Variants in CDH11 observed in about 807,000 individuals in gnomAD.
The protein encoded by CDH11 is cadherin 11.
CDH11 carries 11 observed loss-of-function variants against 67.8 expected under a neutral mutation model. The ratio of observed to expected loss-of-function variants is 0.16; its 90% CI spans 0.10 to 0.27. The LOEUF (loss-of-function observed/expected upper bound fraction) is 0.27. Ranked by LOEUF, CDH11 falls within the 10% of genes least tolerant of loss-of-function variation. The probability of loss-of-function intolerance (pLI) is 1.00; values close to 1 mark genes in which losing one functional copy is unlikely to be tolerated. For synonymous variants in CDH11, 419 were observed against 400.0 expected, an observed-to-expected ratio of 1.05 and a Z score of -0.57; for missense variants, 847 against 1,031.2, an observed-to-expected ratio of 0.82 and a Z score of 2.45.
At chr16:65,023,446 C>T (rs563386012) in intron 2 of CDH11, among the ~76,000 whole-genome samples, 6 of 152,068 alleles carry the variant, frequency 3.9e-5, no homozygotes, top group Non-Finnish European at 5.9e-5. Flanking sequence ...AGGTTCAGCC[C>T]GGGAAGCCAC....
intron 2 of CDH11, among the ~76,000 whole-genome samples, chr16:65,006,431 T>C (rs187516562): frequency 1.1e-4 from 17 of 152,270 alleles, no homozygotes; most frequent in African/African-American, 4.1e-4. Context: ...GGAAGGTACA[T>C]AGACTTGGAG....
intron 1 of CDH11, among the ~76,000 whole-genome samples, chr16:65,084,471 A>AAGAAGAAGAAG (rs1567569148): frequency 9.0e-4 from 137 of 151,758 alleles, no homozygotes; most frequent in African/African-American, 3.2e-3. Flanking sequence ...AGAAAAAGAA[A>AAGAAGAAGAAG]AAGAAGAAGA....
chr16:64,946,093 A>G lies in CDH11; in HGVS notation c.*1510T>C. On this transcript the variant is annotated 3_prime_UTR_variant, in exon 13 of 13. Transcript: ENST00000268603. ...AAATGGCATCGACTCTCAGAATCCAAAATGGTCCCTGCCCTCATTCTGAGC... is the reference window on the plus strand; with the variant it reads ...AAATGGCATCGACTCTCAGAATCCAGAATGGTCCCTGCCCTCATTCTGAGC... 9.5e-7 allele frequency: 1 copy of G among 1,058,120 alleles called. No individual in the cohort carries two copies. Among genetic ancestry groups the G allele is most frequent in the Non-Finnish European group, 1.1e-6 (1 of 874,770 alleles). The allele number at this position is 1,058,120 out of a possible 1,614,324, so 65.5% of individuals were successfully genotyped here. A position where few individuals can be genotyped will look rare whatever the true frequency, so the allele number is the denominator to read the frequency against.
chr16:64,995,680 C>T (rs1422668138), intron 4 of CDH11, among the ~76,000 whole-genome samples: 1 of 152,076 alleles, frequency 6.6e-6, no homozygotes, highest in African/African-American at 2.4e-5. Context: ...TGGACATTGG[C>T]CTTGGGAGAG....
chr16:64,973,826 G>T (rs943623771), intron 8 of CDH11, among the ~76,000 whole-genome samples: 1 of 151,920 alleles, frequency 6.6e-6, no homozygotes, highest in Non-Finnish European at 1.5e-5. Flanking sequence ...AAAGACAAAA[G>T]AAAAATGTTC....
At chr16:65,074,767 G>A (rs967994029) in intron 1 of CDH11, among the ~76,000 whole-genome samples, 1 of 152,112 alleles carries the variant, frequency 6.6e-6, no homozygotes. Flanking sequence ...AAAAGAAAGA[G>A]TTTGAGTAGT....
At chr16:65,105,984 T>C (rs2075060392) in intron 1 of CDH11, among the ~76,000 whole-genome samples, 1 of 152,204 alleles carries the variant, frequency 6.6e-6, no homozygotes, top group Admixed American at 6.5e-5. Flanking sequence ...GAGGACAGGT[T>C]TGGGGGCCTC....
chr16:64,949,513 G>A (rs547723303), intron 12 of CDH11, among the ~76,000 whole-genome samples: 1 of 144,514 alleles, frequency 6.9e-6, no homozygotes, highest in South Asian at 2.2e-4. Flanking sequence ...CGCAACCTTT[G>A]CCTCCTGGGT....
intron 1 of CDH11, among the ~76,000 whole-genome samples, chr16:65,093,253 T>C (rs2074825213): frequency 6.9e-6 from 1 of 144,872 alleles, no homozygotes; most frequent in South Asian, 2.2e-4. Context: ...GGGAGGGTAC[T>C]AAAGGCAAAA....
intron 1 of CDH11, among the ~76,000 whole-genome samples, chr16:65,098,324 TA>T (rs200576059): frequency 0.015 from 2,325 of 152,284 alleles, 34 homozygotes; most frequent in Middle Eastern, 0.051. Context: ...GATACTACTG[TA>T]AGATAAACCT....
intron 11 of CDH11, among the ~76,000 whole-genome samples, chr16:64,966,398 A>C (rs999456658): frequency 6.6e-6 from 1 of 151,500 alleles, no homozygotes; most frequent in African/African-American, 2.4e-5. Context: ...ATCAGAAAGA[A>C]TAAAAAAAGC....
intron 3 of CDH11, among the ~76,000 whole-genome samples, chr16:65,003,359 C>A (rs924953081): frequency 6.6e-6 from 1 of 151,910 alleles, no homozygotes; most frequent in African/African-American, 2.4e-5. Context: ...CATGTTCAAG[C>A]GATTCCCCTG....
chr16:65,089,566 T>A (rs1351994115), intron 1 of CDH11, among the ~76,000 whole-genome samples: 3 of 152,174 alleles, frequency 2.0e-5, no homozygotes, highest in African/African-American at 7.2e-5. Flanking sequence ...ATAAAGGATG[T>A]GTAACTGCTA....
intron 6 of CDH11, among the ~76,000 whole-genome samples, chr16:64,988,903 G>A (rs536313017): frequency 6.6e-6 from 1 of 151,996 alleles, no homozygotes; most frequent in Non-Finnish European, 1.5e-5. Context: ...TCACAAGTTG[G>A]TCATGCGTTA....
intron 1 of CDH11, among the ~76,000 whole-genome samples, chr16:65,096,206 T>C (rs752535255): frequency 5.9e-5 from 9 of 152,194 alleles, no homozygotes; most frequent in Non-Finnish European, 1.3e-4. Context: ...AGTGAAGTAT[T>C]ACAAGTATTC....
intron 1 of CDH11, among the ~76,000 whole-genome samples, chr16:65,109,995 G>A (rs746494727): frequency 3.3e-5 from 5 of 152,058 alleles, no homozygotes; most frequent in African/African-American, 7.2e-5. Context: ...AATATCTCCC[G>A]AGTAGCTGGG....
intron 1 of CDH11, among the ~76,000 whole-genome samples, chr16:65,078,885 T>A (rs562038745): frequency 6.6e-6 from 1 of 152,186 alleles, no homozygotes; most frequent in African/African-American, 2.4e-5. Context: ...TGCCTGGCTG[T>A]AAGCAATGTA....
chr16:64,943,817 G>A lies in CDH11; in HGVS notation c.*3786C>T, dbSNP rs2071147778. 4.6e-6 allele frequency: 1 copy of A among 219,592 alleles called. No individual in the cohort carries two copies. The highest frequency in any genetic ancestry group is 5.8e-5 in the Admixed American group (1 of 17,306). The allele number at this position is 219,592 out of a possible 1,614,324, so 13.6% of individuals were successfully genotyped here. ...TGTTTCAGGCACTGTGTAAAGAACT[G>A]AGTATACAATGGTAAACAAGAAAGC... On this transcript the variant is annotated 3_prime_UTR_variant, in exon 13 of 13. Transcript: ENST00000268603.
chr16:65,080,864 A>G (rs2074598174), intron 1 of CDH11, among the ~76,000 whole-genome samples: 2 of 152,104 alleles, frequency 1.3e-5, no homozygotes, highest in African/African-American at 4.8e-5. Flanking sequence ...TGCTTAGATT[A>G]TTGATGCATC....
Sources: gnomAD v4.1 joint callset for allele counts (sites outside exome capture counted in the v4.1 genomes callset) on GRCh38, gnomAD v4.1.1 for gene constraint, MANE v1.5 for transcripts, NCBI Gene and HGNC (gene_info 2026-07-23, HGNC 2026-07-21) for gene names.